CDH12: variants seen among roughly 807,000 people sequenced by gnomAD.
CDH12 encodes cadherin-12.
Under a neutral mutation model 74.1 loss-of-function variants are expected in CDH12, and 41 were observed. The observed-to-expected ratio is 0.55, with a 90% CI of 0.43 to 0.72. CDH12 has a LOEUF of 0.72. Ranked by LOEUF, CDH12 falls within the 30% of genes least tolerant of loss-of-function variation. The pLI is 0.00. For missense variants in CDH12, 945 were observed against 977.2 expected, an observed-to-expected ratio of 0.97 and a Z score of 0.44; for synonymous variants, 399 against 355.0, an observed-to-expected ratio of 1.12 and a Z score of -1.39.
chr5:22,556,576 T>G (rs1738812800), intron 1 of CDH12, among the ~76,000 whole-genome samples: 1 of 152,092 alleles, frequency 6.6e-6, no homozygotes, highest in African/African-American at 2.4e-5. Flanking sequence ...TGATGTTCTA[T>G]AGCACTTTTT....
chr5:22,762,099 A>T (rs986239400), intron 1 of CDH12, among the ~76,000 whole-genome samples: 1 of 152,122 alleles, frequency 6.6e-6, no homozygotes, highest in Non-Finnish European at 1.5e-5. Context: ...TTAGTAGTTA[A>T]ACTGGCAATC....
chr5:21,980,350 G>A (rs538326328), intron 5 of CDH12, among the ~76,000 whole-genome samples: 1 of 152,042 alleles, frequency 6.6e-6, no homozygotes, highest in South Asian at 2.1e-4. Context: ...ACCACATATG[G>A]CTCTTATGGA....
chr5:22,429,738 T>C (rs1053849372), intron 2 of CDH12, among the ~76,000 whole-genome samples: 5 of 152,196 alleles, frequency 3.3e-5, no homozygotes, highest in Non-Finnish European at 7.3e-5. Flanking sequence ...TGCTAAGTTA[T>C]TCCTATCACA....
At chr5:22,734,195 A>C (rs999847725) in intron 1 of CDH12, among the ~76,000 whole-genome samples, 7 of 151,978 alleles carry the variant, frequency 4.6e-5, no homozygotes, top group African/African-American at 9.7e-5. Flanking sequence ...AATGCTTAGA[A>C]ATTGTATGTA....
intron 1 of CDH12, among the ~76,000 whole-genome samples, chr5:22,705,675 A>G (rs1422444517): frequency 1.3e-5 from 2 of 152,030 alleles, no homozygotes; most frequent in Non-Finnish European, 2.9e-5. Context: ...TGGCTAAAAA[A>G]TAAAGCTATG....
intron 1 of CDH12, among the ~76,000 whole-genome samples, chr5:22,573,544 T>G (rs562808567): frequency 3.3e-5 from 5 of 152,188 alleles, no homozygotes; most frequent in African/African-American, 1.2e-4. Flanking sequence ...GAGATGGGTA[T>G]GTATTAACTC....
intron 6 of CDH12, among the ~76,000 whole-genome samples, chr5:21,970,671 C>G (rs1179354511): frequency 6.6e-6 from 1 of 151,382 alleles, no homozygotes; most frequent in East Asian, 2.0e-4. Flanking sequence ...AAAACCCCAT[C>G]TCTTCTAAAA....
intron 1 of CDH12, among the ~76,000 whole-genome samples, chr5:22,802,525 A>G (rs1411190062): frequency 1.3e-5 from 2 of 152,168 alleles, no homozygotes; most frequent in African/African-American, 4.8e-5. Flanking sequence ...CTCAGTCACC[A>G]TAGGATATTG....
At chr5:22,631,030 G>GA (rs971204782) in intron 1 of CDH12, among the ~76,000 whole-genome samples, 10 of 152,092 alleles carry the variant, frequency 6.6e-5, no homozygotes, top group African/African-American at 2.4e-4. Flanking sequence ...TCGAGCATAT[G>GA]AAAAAATGCT....
chr5:22,187,687 C>T (rs950417630), intron 4 of CDH12, among the ~76,000 whole-genome samples: 16 of 149,494 alleles, frequency 1.1e-4, no homozygotes, highest in African/African-American at 3.9e-4. Context: ...GAAAAAACTA[C>T]ATTTAGCAAC....
At chr5:22,155,618 A>T (rs566670934) in intron 4 of CDH12, among the ~76,000 whole-genome samples, 2 of 152,272 alleles carry the variant, frequency 1.3e-5, no homozygotes, top group South Asian at 4.1e-4. Context: ...ATTGGAATAG[A>T]TCATTGAACA....
At chr5:21,941,086 C>G (rs1462206094) in intron 6 of CDH12, among the ~76,000 whole-genome samples, 1 of 152,092 alleles carries the variant, frequency 6.6e-6, no homozygotes, top group Non-Finnish European at 1.5e-5. Context: ...ATTTGGTACA[C>G]CTTTTAAAAT....
At chr5:22,688,860 A>C (rs748293825) in intron 1 of CDH12, among the ~76,000 whole-genome samples, 3 of 152,302 alleles carry the variant, frequency 2.0e-5, no homozygotes, top group Middle Eastern at 3.4e-3. Context: ...TGTGACTGAG[A>C]ATCTCACTCT....
intron 6 of CDH12, among the ~76,000 whole-genome samples, chr5:21,970,606 G>A (rs1395591178): frequency 2.6e-5 from 4 of 151,676 alleles, no homozygotes; most frequent in South Asian, 2.1e-4. Context: ...TTGGGAGGCC[G>A]AGGCAGGCAA....
intron 5 of CDH12, among the ~76,000 whole-genome samples, chr5:22,030,831 C>T (rs1738767737): frequency 6.6e-6 from 1 of 152,160 alleles, no homozygotes; most frequent in East Asian, 1.9e-4. Context: ...ACGATATTAG[C>T]AAGATCTTTT....
At chr5:22,827,201 G>A (rs954694335) in intron 1 of CDH12, among the ~76,000 whole-genome samples, 15 of 151,478 alleles carry the variant, frequency 9.9e-5, no homozygotes, top group Non-Finnish European at 1.8e-4. Context: ...GCTCCTGAGG[G>A]TGCAAGCCTT....
At chr5:21,844,651 C>T (rs1444576288) in intron 7 of CDH12, among the ~76,000 whole-genome samples, 1 of 152,100 alleles carries the variant, frequency 6.6e-6, no homozygotes, top group Non-Finnish European at 1.5e-5. Flanking sequence ...GGAAAAAATA[C>T]ACATCTACTC....
chr5:21,882,599 C>A lies in CDH12; in HGVS notation c.527-27809G>T, dbSNP rs541720530. ...CCGCCCCACAGAAATGCTTCGGTTA[C>A]CCACAGTCTTTCGCCAGATGAGACC... On this transcript the variant is annotated intron_variant, in intron 6 of 14. Coordinates refer to ENST00000382254, the MANE Select transcript of CDH12 (RefSeq NM_004061.5). 311 of 1,598,208 alleles carry A rather than the reference C, an allele frequency of 1.9e-4. 2 individuals are homozygous for A. In the African/African-American group the frequency reaches 3.5e-3, roughly 18 times the overall value.
intron 3 of CDH12, among the ~76,000 whole-genome samples, chr5:22,311,897 A>G (rs1227848613): frequency 6.6e-6 from 1 of 152,104 alleles, no homozygotes; most frequent in Non-Finnish European, 1.5e-5. Flanking sequence ...ACATTTAAAG[A>G]ACATGTTTAC....
Sources: gnomAD v4.1 joint callset for allele counts (sites outside exome capture counted in the v4.1 genomes callset) on GRCh38, gnomAD v4.1.1 for gene constraint, MANE v1.5 for transcripts, NCBI Gene and HGNC (gene_info 2026-07-23, HGNC 2026-07-21) for gene names.